COL6A5: variants seen among roughly 807,000 people sequenced by gnomAD.
The protein encoded by COL6A5 is collagen type VI alpha 5 chain.
A neutral mutation model predicts 65.6 loss-of-function variants in COL6A5; 48 were observed. That is an observed-to-expected ratio of 0.73 (90% CI 0.58 to 0.93). COL6A5 has a LOEUF of 0.93. COL6A5 is among the 40% of genes least tolerant of loss of function. The pLI is 0.00. For missense variants in COL6A5, 914 were observed against 928.3 expected, an observed-to-expected ratio of 0.98 and a Z score of 0.20; for synonymous variants, 291 against 322.8, an observed-to-expected ratio of 0.90 and a Z score of 1.05.
chr3:130,442,104 T>C (rs1323834649), intron 3 of COL6A5, among the ~76,000 whole-genome samples: 1 of 152,204 alleles, frequency 6.6e-6, no homozygotes, highest in Non-Finnish European at 1.5e-5. Flanking sequence ...AACACTGTTA[T>C]TTCTTTACAT....
chr3:130,414,183 T>C, intron 22 of COL6A5, 52 bp downstream of exon 22: 1 of 1,318,832 alleles, frequency 7.6e-7, no homozygotes, highest in Non-Finnish European at 1.1e-6. Flanking sequence ...GTTATTCTGA[T>C]GGGAAGAAGG....
At chr3:130,471,531 C>A (rs1235407179) in intron 7 of COL6A5, 151 bp from the exon 40 acceptor site, 1 of 709,148 alleles carries the variant, frequency 1.4e-6, no homozygotes, top group Non-Finnish European at 2.2e-6. Context: ...TAGAAAATTG[C>A]ACAAGTCAAA....
intron 1 of COL6A5, among the ~76,000 whole-genome samples, chr3:130,438,797 T>C (rs1337826295): frequency 2.0e-5 from 3 of 152,280 alleles, no homozygotes; most frequent in South Asian, 2.1e-4. Flanking sequence ...GTGCCTCACA[T>C]AGAGTAAATG....
chr3:130,416,133 C>G (rs1008400434), intron 23 of COL6A5, among the ~76,000 whole-genome samples: 4 of 152,112 alleles, frequency 2.6e-5, no homozygotes, highest in Non-Finnish European at 5.9e-5. Flanking sequence ...CCTATGTTCA[C>G]CTCTTGAATT....
intron 29 of COL6A5, among the ~76,000 whole-genome samples, chr3:130,424,429 ATCTC>A (rs777947913): frequency 6.6e-6 from 1 of 152,070 alleles, no homozygotes; most frequent in Non-Finnish European, 1.5e-5. Flanking sequence ...CGAAATAGCC[ATCTC>A]TCTATTTTAG....
intron 2 of COL6A5, among the ~76,000 whole-genome samples, chr3:130,374,294 C>G (rs1577440584): frequency 6.6e-6 from 1 of 152,220 alleles, no homozygotes; most frequent in South Asian, 2.1e-4. Context: ...AGGCTAAAAA[C>G]CTGTACTGCA....
At chr3:130,445,653 T>C (rs1359898990) in intron 4 of COL6A5, among the ~76,000 whole-genome samples, 1 of 151,812 alleles carries the variant, frequency 6.6e-6, no homozygotes, top group Non-Finnish European at 1.5e-5. Flanking sequence ...GAATGGGGAG[T>C]ATCATATGAG....
intron 2 of COL6A5, among the ~76,000 whole-genome samples, chr3:130,375,609 C>T (rs1421435411): frequency 1.3e-5 from 2 of 152,084 alleles, no homozygotes; most frequent in Non-Finnish European, 2.9e-5. Context: ...CCCATTCTTA[C>T]ACTGCTATGA....
intron 10 of COL6A5, among the ~76,000 whole-genome samples, chr3:130,398,709 C>T (rs1293410656): frequency 2.0e-5 from 3 of 152,142 alleles, no homozygotes; most frequent in Non-Finnish European, 2.9e-5. Context: ...CCATGCCCCA[C>T]GTTGGTGGTG....
rs528384006 is a variant in COL6A5 at position 130,359,299 on chromosome 3, G to T, written c.-29+13318G>T. Among the ~76,000 whole-genome samples, 18 of 152,108 alleles carry T rather than the reference G, an allele frequency of 1.2e-4. 1 individual carries two copies. The South Asian group carries it at 3.7e-3, about 32-fold the overall frequency. On this transcript the variant is annotated intron_variant and NMD_transcript_variant, in intron 1 of 41. Transcript: ENST00000312481. ...AAACATGTATAATTGTTTTGTGCAGGTTTAACAACTTGCTACCTAATAAAG... is the reference window on the plus strand; with the variant it reads ...AAACATGTATAATTGTTTTGTGCAGTTTTAACAACTTGCTACCTAATAAAG...
At chr3:130,351,954 A>G (rs1934732528) in intron 1 of COL6A5, among the ~76,000 whole-genome samples, 1 of 152,230 alleles carries the variant, frequency 6.6e-6, no homozygotes. Flanking sequence ...TGGCACATAT[A>G]CACCATGGAA....
chr3:130,423,947 T>A (rs1217347261), intron 29 of COL6A5, 47 bp downstream of exon 29: 1 of 1,402,902 alleles, frequency 7.1e-7, no homozygotes, highest in Admixed American at 2.1e-5. Flanking sequence ...GTTTCCAGTA[T>A]GTTCCATGGA....
Position 130,376,907 on chromosome 3 carries a change from G to T in COL6A5, c.667+71G>T, listed in dbSNP as rs868003709. 19 of 1,435,018 alleles carry T rather than the reference G, an allele frequency of 1.3e-5. No individual in the cohort carries two copies. The Middle Eastern group carries it at 3.3e-3, about 247-fold the overall frequency. 88.9% of individuals were successfully genotyped at this position (1,435,018 alleles called of 1,614,324 possible). On this transcript the variant is annotated intron_variant and NMD_transcript_variant, in intron 3 of 41. Transcript: ENST00000312481. Reference sequence around the variant, plus strand: ...CTACATCTGTCCACTCTCACCTCTTGCAACTCATGTTAGGTTTTCATGATT... The same window carrying T: ...CTACATCTGTCCACTCTCACCTCTTTCAACTCATGTTAGGTTTTCATGATT...
chr3:130,376,123 C>T, intron 2 of COL6A5, 114 bp from the exon 3 acceptor site: 1 of 1,084,446 alleles, frequency 9.2e-7, no homozygotes, highest in Non-Finnish European at 1.2e-6. Context: ...AGACACTTTT[C>T]TTGGGATTCT....
Position 130,395,365 on chromosome 3 carries a change from T to C in COL6A5, c.3468T>C (p.Asn1156=), listed in dbSNP as rs2107657417. ...AACATCTCCTGCCAATAACAGGCAATTCTGAAAAAATAATCACTTTTCAAG... is the reference window on the plus strand; with the variant it reads ...AACATCTCCTGCCAATAACAGGCAACTCTGAAAAAATAATCACTTTTCAAG... Residue 1156 remains asparagine (N), a synonymous_variant and NMD_transcript_variant, in exon 8 of 42, where the codon AAT becomes AAC. Transcript: ENST00000312481. 1.9e-6 allele frequency: 3 copies of C among 1,547,156 alleles called. No homozygotes were observed. The South Asian group carries it at 3.6e-5, about 19-fold the overall frequency.
chr3:130,453,304 T>C (rs141347212), intron 4 of COL6A5, among the ~76,000 whole-genome samples: 3,512 of 152,262 alleles, frequency 0.023, 83 homozygotes, highest in East Asian at 0.1. Flanking sequence ...AAAGTATTAA[T>C]TTGGGGAACT....
intron 1 of COL6A5, among the ~76,000 whole-genome samples, chr3:130,364,978 G>T (rs1935278404): frequency 6.6e-6 from 1 of 152,212 alleles, no homozygotes; most frequent in South Asian, 2.1e-4. Context: ...TGATCAAGGT[G>T]CTCAGTTGAT....
chr3:130,472,827 GTATACATATATATATATATA>G (rs1559921433), intron 7 of COL6A5, among the ~76,000 whole-genome samples: 1 of 17,734 alleles, frequency 5.6e-5, no homozygotes, highest in Non-Finnish European at 1.2e-4. Flanking sequence ...ATATGTGTGT[GTATACATATATATATATATA>G]TATATATATA....
At chr3:130,480,430 T>A (rs2935463) in intron 7 of COL6A5, among the ~76,000 whole-genome samples, 1 of 152,108 alleles carries the variant, frequency 6.6e-6, no homozygotes, top group African/African-American at 2.4e-5. Flanking sequence ...GCATATAAAC[T>A]TATTAGAGTT....
Sources: gnomAD v4.1 joint callset for allele counts (sites outside exome capture counted in the v4.1 genomes callset) on GRCh38, gnomAD v4.1.1 for gene constraint, MANE v1.5 for transcripts, NCBI Gene and HGNC (gene_info 2026-07-23, HGNC 2026-07-21) for gene names.